KIRREL3: variants seen among roughly 807,000 people sequenced by gnomAD.
KIRREL3 encodes the protein kin of IRRE-like protein 3.
KIRREL3 carries 36 observed loss-of-function variants against 89.7 expected under a neutral mutation model. The observed-to-expected ratio is 0.40, with a 90% CI of 0.31 to 0.53. The LOEUF (loss-of-function observed/expected upper bound fraction) is 0.53, where lower values mean the gene tolerates loss of function less well. KIRREL3 is among the 20% of genes least tolerant of loss of function. The pLI, the probability that KIRREL3 is intolerant of heterozygous loss-of-function variation, is 0.49. For missense variants in KIRREL3, 864 were observed against 1,056.6 expected, an observed-to-expected ratio of 0.82 and a Z score of 2.53; for synonymous variants, 445 against 441.4, an observed-to-expected ratio of 1.01 and a Z score of -0.10.
At position 126,696,840 on chromosome 11, in the gene KIRREL3, G is replaced by A. The variant is rs1947118256; in HGVS notation, c.56-133928C>T. ...CTAGACTGTGGAATGAGGTTGACTA[G>A]CGCTTACATCCAGACACTACTGTAC... On this transcript the variant is annotated intron_variant, in intron 1 of 16. Coordinates refer to ENST00000525144, the MANE Select transcript of KIRREL3 (RefSeq NM_032531.4). This position sits in a 1 kb window ranked among gnomAD's most constrained non-coding sequence, Gnocchi z 4.4. 6.6e-6 allele frequency among the ~76,000 whole-genome samples: 1 copy of A among 152,184 alleles called. No individual in the cohort carries two copies. The highest frequency in any genetic ancestry group is 2.4e-5 in the African/African-American group (1 of 41,446).
At chr11:126,757,526 G>A (rs940501349) in intron 1 of KIRREL3, among the ~76,000 whole-genome samples, 2 of 152,154 alleles carry the variant, frequency 1.3e-5, no homozygotes, top group African/African-American at 4.8e-5. Flanking sequence ...AGGAGACACA[G>A]ACAATTTCCT....
rs1949843824 is a variant in KIRREL3 at position 126,985,628 on chromosome 11, C to A, written c.55+14827G>T. 6.6e-6 allele frequency among the ~76,000 whole-genome samples: 1 copy of A among 152,058 alleles called. No homozygotes were observed. Among genetic ancestry groups the A allele is most frequent in the South Asian group, 2.1e-4 (1 of 4,820 alleles). On this transcript the variant is annotated intron_variant, in intron 1 of 16. Transcript: ENST00000525144. The surrounding 1 kb of genome is among the most constrained non-coding windows in gnomAD (Gnocchi z 5.3). The stretch of plus-strand genomic sequence containing the variant: ...GGACAGGAGGCACGAGGGAGCAGAG[C>A]ACATTCGGACAATGTCAGCGGCTCC...
intron 2 of KIRREL3, chr11:126,543,947 G>C (rs1938576733): frequency 6.6e-6 from 1 of 152,296 alleles, no homozygotes; most frequent in African/African-American, 2.4e-5. Context: ...TATTTGTTGT[G>C]AGATGACCCA....
Position 126,531,644 on chromosome 11 carries a change from C to A in KIRREL3, c.134-4957G>T, listed in dbSNP as rs1958948397. Among the ~76,000 whole-genome samples, 1 of 150,528 alleles carries A rather than the reference C, an allele frequency of 6.6e-6. No individual in the cohort carries two copies. The highest frequency in any genetic ancestry group is 6.7e-5 in the Admixed American group (1 of 15,008). ...TTCTCTCCCCAGGCAGCTCCTGTGA[C>A]CCAGATGGAATCTTCTTTTTTCTCG... On this transcript the variant is annotated intron_variant, in intron 2 of 16. Coordinates refer to ENST00000525144, the MANE Select transcript of KIRREL3 (RefSeq NM_032531.4). This position sits in a 1 kb window ranked among gnomAD's most constrained non-coding sequence, Gnocchi z 4.7.
rs886234688 is a variant in KIRREL3 at position 126,943,406 on chromosome 11, T to C, written c.55+57049A>G. Among the ~76,000 whole-genome samples, 3 of 152,220 alleles carry C rather than the reference T, an allele frequency of 2.0e-5. No individual in the cohort carries two copies. Among genetic ancestry groups the C allele is most frequent in the Non-Finnish European group, 2.9e-5 (2 of 68,046 alleles). On this transcript the variant is annotated intron_variant, in intron 1 of 16. Transcript: ENST00000525144. This position sits in a 1 kb window ranked among gnomAD's most constrained non-coding sequence, Gnocchi z 4.2. ...CGGAACAATCTGATACCATTATCAC[T>C]GACATCATCAAAAGAAGTTCCCTTT...
chr11:126,451,278 ATG>A (rs1294646354), intron 7 of KIRREL3, among the ~76,000 whole-genome samples: 4 of 117,276 alleles, frequency 3.4e-5, no homozygotes, highest in African/African-American at 1.3e-4. Context: ...GTCCGTGTGC[ATG>A]TGTGCGTGTG....
intron 1 of KIRREL3, among the ~76,000 whole-genome samples, chr11:126,621,771 T>C (rs770599144): frequency 2.6e-4 from 40 of 152,260 alleles, no homozygotes; most frequent in Non-Finnish European, 5.0e-4. Context: ...TATAACACTT[T>C]ACTCCTAATA....
At position 126,492,277 on chromosome 11, in the gene KIRREL3, G is replaced by A. The variant is rs1957540633; in HGVS notation, c.434-18811C>T. On this transcript the variant is annotated intron_variant, in intron 4 of 16. Coordinates refer to ENST00000525144, the MANE Select transcript of KIRREL3 (RefSeq NM_032531.4). This position sits in a 1 kb window ranked among gnomAD's most constrained non-coding sequence, Gnocchi z 4.8. The stretch of plus-strand genomic sequence containing the variant: ...GTTGTTGGAGACACAGCTGGGGAAG[G>A]GAGGTCAGGCCTCTTTTTCCCAAGC... 6.6e-6 allele frequency among the ~76,000 whole-genome samples: 1 copy of A among 152,282 alleles called. No individual in the cohort carries two copies. Among genetic ancestry groups the A allele is most frequent in the South Asian group, 2.1e-4 (1 of 4,812 alleles).
rs535298328 is a variant in KIRREL3 at position 126,526,363 on chromosome 11, T to A, written c.283+175A>T. ...TTATGCACATCAGGGGCCCTCAGAG[T>A]CTAGGGATGCTGGGTGCAGTGCTTG... On this transcript the variant is annotated intron_variant, in intron 3 of 16. Transcript: ENST00000525144. The surrounding 1 kb of genome is among the most constrained non-coding windows in gnomAD (Gnocchi z 5.7). Among the ~76,000 whole-genome samples, 1 of 152,000 alleles carries A rather than the reference T, an allele frequency of 6.6e-6. No homozygotes were observed. The highest frequency in any genetic ancestry group is 1.5e-5 in the Non-Finnish European group (1 of 67,980).
intron 1 of KIRREL3, among the ~76,000 whole-genome samples, chr11:126,866,106 G>A (rs781493127): frequency 6.6e-6 from 1 of 152,236 alleles, no homozygotes; most frequent in Non-Finnish European, 1.5e-5. Context: ...GGAGAAGAAA[G>A]AGAAATATGT....
intron 1 of KIRREL3, among the ~76,000 whole-genome samples, chr11:126,882,008 GGT>G (rs138023760): frequency 6.6e-6 from 1 of 152,054 alleles, no homozygotes; most frequent in South Asian, 2.1e-4. Flanking sequence ...CGTATATATG[GGT>G]GTGTGTGTAG....
chr11:126,437,897 C>T (rs1955419263), intron 11 of KIRREL3, among the ~76,000 whole-genome samples: 1 of 152,176 alleles, frequency 6.6e-6, no homozygotes, highest in Non-Finnish European at 1.5e-5. Context: ...TACACACACA[C>T]CATGTGCTCA....
In KIRREL3 at chr11:126,513,739, T is replaced by C. The variant is rs1343778900; in HGVS notation, c.433+7576A>G. On this transcript the variant is annotated intron_variant, in intron 4 of 16. Transcript: ENST00000525144. The surrounding 1 kb of genome is among the most constrained non-coding windows in gnomAD (Gnocchi z 5.9). ...GAGATTGTGGGGGGCGACCTTGGAGTGCAGCAGGAGGGCAGGGCTGGGGCG... is the reference window on the plus strand; with the variant it reads ...GAGATTGTGGGGGGCGACCTTGGAGCGCAGCAGGAGGGCAGGGCTGGGGCG... 6.6e-6 allele frequency among the ~76,000 whole-genome samples: 1 copy of C among 151,720 alleles called. No individual in the cohort carries two copies. Among genetic ancestry groups the C allele is most frequent in the Admixed American group, 6.6e-5 (1 of 15,236 alleles).
Position 126,723,586 on chromosome 11 carries a change from A to C in KIRREL3, c.56-160674T>G, listed in dbSNP as rs1408241071. Reference sequence around the variant, plus strand: ...TCTATGCTTTTAAAATAAAGGCCTTAGTGGATCTCAACTTCAGCAAACAGA... The same window carrying C: ...TCTATGCTTTTAAAATAAAGGCCTTCGTGGATCTCAACTTCAGCAAACAGA... On this transcript the variant is annotated intron_variant, in intron 1 of 16. Transcript: ENST00000525144. This position sits in a 1 kb window ranked among gnomAD's most constrained non-coding sequence, Gnocchi z 4.0. Among the ~76,000 whole-genome samples, 1 of 152,236 alleles carries C rather than the reference A, an allele frequency of 6.6e-6. No homozygotes were observed. The highest frequency in any genetic ancestry group is 1.5e-5 in the Non-Finnish European group (1 of 68,036).
intron 1 of KIRREL3, among the ~76,000 whole-genome samples, chr11:126,947,244 TG>T (rs768718723): frequency 1.9e-4 from 29 of 152,180 alleles, no homozygotes; most frequent in Non-Finnish European, 3.4e-4. Context: ...AATTGCCACC[TG>T]AACACTGCTA....
intron 1 of KIRREL3, among the ~76,000 whole-genome samples, chr11:126,591,711 G>C (rs769081195): frequency 1.3e-5 from 2 of 152,166 alleles, no homozygotes; most frequent in Non-Finnish European, 1.5e-5. Flanking sequence ...TATAAATATT[G>C]CTACAATTTC....
intron 1 of KIRREL3, among the ~76,000 whole-genome samples, chr11:126,577,645 C>T (rs1346397064): frequency 1.3e-5 from 2 of 151,348 alleles, no homozygotes; most frequent in African/African-American, 4.9e-5. Flanking sequence ...GCCTGTAACC[C>T]CAGCTATTCG....
intron 1 of KIRREL3, among the ~76,000 whole-genome samples, chr11:126,799,740 C>G (rs1466755912): frequency 6.6e-6 from 1 of 152,120 alleles, no homozygotes. Flanking sequence ...CTGGAAACCC[C>G]TCTGCCCCCA....
chr11:126,474,567 A>G lies in KIRREL3; in HGVS notation c.434-1101T>C, dbSNP rs575805500. Among the ~76,000 whole-genome samples the G allele has an allele frequency of 6.6e-6, 1 of 152,246 alleles. No individual in the cohort carries two copies. On this transcript the variant is annotated intron_variant, in intron 4 of 16. Coordinates refer to ENST00000525144, the MANE Select transcript of KIRREL3 (RefSeq NM_032531.4). This position sits in a 1 kb window ranked among gnomAD's most constrained non-coding sequence, Gnocchi z 6.7. The stretch of plus-strand genomic sequence containing the variant: ...CTCCTCACTCCTCCAGAGCGGCTCC[A>G]GCCCCTTCATCCCCAGAGGCAGCCT...
Sources: allele counts gnomAD v4.1 joint callset (sites outside exome capture counted in the v4.1 genomes callset), GRCh38; gene constraint gnomAD v4.1.1; non-coding constraint Gnocchi (gnomAD v3.1); transcripts MANE v1.5; gene names NCBI Gene and HGNC (gene_info 2026-07-23, HGNC 2026-07-21).